Variants in HIPK2 observed in about 807,000 individuals in gnomAD.
HIPK2 encodes the protein homeodomain-interacting protein kinase 2.
A neutral mutation model predicts 113.7 loss-of-function variants in HIPK2; 27 were observed. That is an observed-to-expected ratio of 0.24 (90% CI 0.17 to 0.33). The LOEUF is 0.33. HIPK2 is among the 10% of genes least tolerant of loss of function. The pLI is 1.00. For synonymous variants in HIPK2, 631 were observed against 642.2 expected (o/e 0.98, Z 0.26); for missense variants, 1,257 against 1,588.0 (o/e 0.79, Z 3.54).
At chr7:139,596,283 C>G (rs1267546312) in intron 12 of HIPK2, among the ~76,000 whole-genome samples, 1 of 152,182 alleles carries the variant, frequency 6.6e-6, no homozygotes, top group Non-Finnish European at 1.5e-5. Flanking sequence ...TTAGGTTAAT[C>G]AGACACAGGG....
chr7:139,695,914 C>T (rs1197459990), intron 2 of HIPK2, among the ~76,000 whole-genome samples: 1 of 151,354 alleles, frequency 6.6e-6, no homozygotes, highest in Non-Finnish European at 1.5e-5. Context: ...CATCATAGCA[C>T]ACTGTCTTGC....
At chr7:139,677,308 AATG>A (rs1802538564) in intron 2 of HIPK2, among the ~76,000 whole-genome samples, 1 of 152,054 alleles carries the variant, frequency 6.6e-6, no homozygotes, top group Non-Finnish European at 1.5e-5. Flanking sequence ...AAACAACAAT[AATG>A]ATCCTGTGAC....
intron 2 of HIPK2, among the ~76,000 whole-genome samples, chr7:139,655,010 C>G (rs1801606134): frequency 6.6e-6 from 1 of 152,176 alleles, no homozygotes; most frequent in Admixed American, 6.5e-5. Context: ...CATGCAATTA[C>G]ATATTCACAG....
At chr7:139,744,205 T>C (rs1796152441) in intron 1 of HIPK2, among the ~76,000 whole-genome samples, 1 of 152,222 alleles carries the variant, frequency 6.6e-6, no homozygotes, top group South Asian at 2.1e-4. Flanking sequence ...CAAAATGTGG[T>C]ATATTCCTAC....
At chr7:139,745,969 CAGAG>C (rs1366172168) in intron 1 of HIPK2, among the ~76,000 whole-genome samples, 1 of 152,124 alleles carries the variant, frequency 6.6e-6, no homozygotes, top group African/African-American at 2.4e-5. Flanking sequence ...AAATAGGTGA[CAGAG>C]AGGTTATTAA....
chr7:139,602,778 C>T (rs1045106980), intron 10 of HIPK2, among the ~76,000 whole-genome samples: 1 of 152,114 alleles, frequency 6.6e-6, no homozygotes, highest in African/African-American at 2.4e-5. Context: ...CCGGGCACTG[C>T]GATGGTGCAT....
chr7:139,697,738 C>T (rs1030228768), intron 2 of HIPK2, among the ~76,000 whole-genome samples: 2 of 152,084 alleles, frequency 1.3e-5, no homozygotes, highest in African/African-American at 4.8e-5. Flanking sequence ...TAACGTTGTA[C>T]AAACCATCAC....
chr7:139,632,650 G>A (rs566878175), intron 2 of HIPK2, among the ~76,000 whole-genome samples: 1 of 152,194 alleles, frequency 6.6e-6, no homozygotes, highest in Admixed American at 6.5e-5. Flanking sequence ...ACAGGGAGTT[G>A]GTAATCAACA....
chr7:139,724,028 A>G (rs1585423293), intron 1 of HIPK2, among the ~76,000 whole-genome samples: 1 of 151,928 alleles, frequency 6.6e-6, no homozygotes, highest in East Asian at 1.9e-4. Context: ...TTCATAATAA[A>G]GAACTCAAAG....
At chr7:139,756,944 C>T (rs1175799715) in intron 1 of HIPK2, among the ~76,000 whole-genome samples, 5 of 152,202 alleles carry the variant, frequency 3.3e-5, no homozygotes, top group Non-Finnish European at 7.3e-5. Flanking sequence ...TGGAACACAG[C>T]CCTTGGTAAA....
At chr7:139,704,295 C>G (rs1442823551) in intron 2 of HIPK2, among the ~76,000 whole-genome samples, 24 of 136,634 alleles carry the variant, frequency 1.8e-4, no homozygotes, top group African/African-American at 6.4e-4. Context: ...CACACCACAC[C>G]CAACACATAC....
chr7:139,664,328 AG>A (rs1383572461), intron 2 of HIPK2, among the ~76,000 whole-genome samples: 1 of 152,144 alleles, frequency 6.6e-6, no homozygotes, highest in Non-Finnish European at 1.5e-5. Flanking sequence ...ACCTGAGGTC[AG>A]GAGTTCGAGA....
At chr7:139,581,855 T>C (rs2116530989) in intron 13 of HIPK2, among the ~76,000 whole-genome samples, 1 of 152,264 alleles carries the variant, frequency 6.6e-6, no homozygotes, top group Admixed American at 6.5e-5. Context: ...ATGGTATGAG[T>C]TCAGTCTGCA....
At chr7:139,604,743 T>C (rs1799563044) in intron 9 of HIPK2, among the ~76,000 whole-genome samples, 1 of 145,968 alleles carries the variant, frequency 6.9e-6, no homozygotes, top group South Asian at 2.2e-4. Context: ...GATAATTAAG[T>C]ACAGGGACAC....
At chr7:139,771,436 G>C (rs1472740744) in intron 1 of HIPK2, among the ~76,000 whole-genome samples, 1 of 151,972 alleles carries the variant, frequency 6.6e-6, no homozygotes, top group African/African-American at 2.4e-5. Flanking sequence ...CCAGATACAA[G>C]TACAAGAAAA....
chr7:139,584,506 G>A (rs1240750074), intron 12 of HIPK2, among the ~76,000 whole-genome samples: 1 of 152,242 alleles, frequency 6.6e-6, no homozygotes, highest in African/African-American at 2.4e-5. Flanking sequence ...CTCGCTGGGA[G>A]AAGAATGTCA....
chr7:139,696,046 AG>A (rs2116817554), intron 2 of HIPK2, among the ~76,000 whole-genome samples: 1 of 152,336 alleles, frequency 6.6e-6, no homozygotes, highest in East Asian at 1.9e-4. Context: ...AACTGGCCAG[AG>A]GGAGAAAAAG....
At chr7:139,610,915 A>C (rs1201962722) in intron 9 of HIPK2, among the ~76,000 whole-genome samples, 1 of 152,220 alleles carries the variant, frequency 6.6e-6, no homozygotes, top group African/African-American at 2.4e-5. Context: ...CCAGGATCCA[A>C]TCAGATCGAG....
chr7:139,672,358 T>C (rs1802332570), intron 2 of HIPK2, among the ~76,000 whole-genome samples: 1 of 152,226 alleles, frequency 6.6e-6, no homozygotes, highest in Non-Finnish European at 1.5e-5. Context: ...TAAAAACTAC[T>C]GGGTAAGTTC....
Sources: gnomAD v4.1 joint callset for allele counts (sites outside exome capture counted in the v4.1 genomes callset) on GRCh38, gnomAD v4.1.1 for gene constraint, MANE v1.5 for transcripts, NCBI Gene and HGNC (gene_info 2026-07-23, HGNC 2026-07-21) for gene names.